Variants in IGF2 observed in about 807,000 individuals in gnomAD.
IGF2 encodes insulin-like growth factor 2.
A neutral mutation model predicts 12.0 loss-of-function variants in IGF2; 2 were observed. The observed-to-expected ratio is 0.17, with a 90% confidence interval of 0.07 to 0.52. IGF2 has a LOEUF of 0.52. Ranked by LOEUF, IGF2 falls within the 20% of genes least tolerant of loss-of-function variation. The pLI is 0.95. For synonymous variants in IGF2, 105 were observed against 110.1 expected (o/e 0.95, Z 0.29); for missense variants, 211 against 268.0 (o/e 0.79, Z 1.48).
upstream of IGF2, chr11:2,140,746 C>T: frequency 2.9e-6 from 1 of 344,618 alleles, no homozygotes. Context: ...CGCCGGCCTC[C>T]CCGGCGGCAG....
At chr11:2,140,879 G>A (rs770745426), upstream of IGF2, 1 of 369,126 alleles carries the variant, frequency 2.7e-6, no homozygotes, top group Non-Finnish European at 5.2e-6. Context: ...GGCTGCGTCC[G>A]CGGGCGCACC....
Position 2,132,527 on chromosome 11 carries a change from A to G in IGF2, c.*460T>C. 1 of 207,982 alleles carries G rather than the reference A, an allele frequency of 4.8e-6. No individual in the cohort carries two copies. The allele number at this position is 207,982 out of a possible 1,614,324, so 12.9% of individuals were successfully genotyped here. A position where few individuals can be genotyped will look rare whatever the true frequency, so the allele number is the denominator to read the frequency against. On this transcript the variant is annotated 3_prime_UTR_variant, in exon 4 of 4. Transcript: ENST00000416167. ...TCCTTTATTTTGCCAATTGTTTCTC[A>G]GCCAATTCGTTTTTAATACTTTTTT...
At chr11:2,148,150 C>G in the IGF2 span, 1 of 240,776 alleles carries the variant, frequency 4.2e-6, no homozygotes. This position sits in a 1 kb window ranked among gnomAD's most constrained non-coding sequence, Gnocchi z 4.3. Flanking sequence ...ACGAATGGCC[C>G]GCCTTGAGGG....
rs750776219 is a variant in IGF2, at chr11:2,133,459, C to T, written c.306+58G>A. The T allele has an allele frequency of 4.8e-5, 73 of 1,523,948 alleles. No homozygotes were observed. Among genetic ancestry groups the T allele is most frequent in the Non-Finnish European group, 5.6e-5 (63 of 1,134,350 alleles). The allele number at this position is 1,523,948 out of a possible 1,614,324, so 94.4% of individuals were successfully genotyped here. On this transcript the variant is annotated intron_variant, in intron 3 of 3. Transcript: ENST00000416167. The surrounding 1 kb of genome is among the most constrained non-coding windows in gnomAD (Gnocchi z 8.9). ...CCCAGAGGCCACAGGAAACGCTGGG[C>T]GCCCGAAGCCCTATTTCTCTGTCTC...
intron 1 of IGF2, 93 bp downstream of exon 1, chr11:2,138,136 G>T: frequency 1.2e-6 from 1 of 819,554 alleles, no homozygotes; most frequent in Non-Finnish European, 1.5e-6. Flanking sequence ...CGCAGGCCCC[G>T]GGCCGGGAGC....
intron 1 of IGF2, among the ~76,000 whole-genome samples, chr11:2,136,407 G>A (rs932063405): frequency 5.3e-5 from 8 of 152,250 alleles, no homozygotes; most frequent in African/African-American, 1.7e-4. Flanking sequence ...TGGGAAGTCC[G>A]ACACCAGGTT....
At chr11:2,139,922 C>G (rs532493902), upstream of IGF2, among the ~76,000 whole-genome samples, 2 of 152,190 alleles carry the variant, frequency 1.3e-5, no homozygotes, top group South Asian at 2.1e-4. Context: ...GCCACCTGCC[C>G]CAGCAGGAGG....
Position 2,138,640 on chromosome 11 carries a change from G to A in IGF2, c.-418C>T, listed in dbSNP as rs1412359447. ...GCGCACAGCGGGAGAGAACAGCACG[G>A]AGAGAAACAGAAAGCGTGTAATTAA... On this transcript the variant is annotated 5_prime_UTR_variant, in exon 1 of 4. Coordinates refer to ENST00000416167, the MANE Select transcript of IGF2 (RefSeq NM_000612.6). The A allele has an allele frequency of 7.2e-6, 7 of 978,830 alleles. No individual in the cohort carries two copies. In the African/African-American group the frequency reaches 1.3e-4, roughly 18 times the overall value. The allele number at this position is 978,830 out of a possible 1,614,324, so 60.6% of individuals were successfully genotyped here. A position where few individuals can be genotyped will look rare whatever the true frequency, so the allele number is the denominator to read the frequency against.
intron 1 of IGF2, among the ~76,000 whole-genome samples, chr11:2,135,936 C>A (rs1463562292): frequency 2.6e-5 from 4 of 152,304 alleles, no homozygotes; most frequent in Middle Eastern, 3.4e-3. Context: ...CACATCGCCA[C>A]TTCTCAGGCC....
upstream of IGF2, among the ~76,000 whole-genome samples, chr11:2,142,010 A>G (rs1859628368): frequency 6.6e-6 from 1 of 152,214 alleles, no homozygotes; most frequent in African/African-American, 2.4e-5. The surrounding 1 kb of genome is among the most constrained non-coding windows in gnomAD (Gnocchi z 5.7). Context: ...AAATTACCCA[A>G]TGGAGATTTG....
upstream of IGF2, among the ~76,000 whole-genome samples, chr11:2,139,979 C>G (rs1431030651): frequency 6.6e-6 from 1 of 152,086 alleles, no homozygotes; most frequent in African/African-American, 2.4e-5. Context: ...CCGAGCGCCC[C>G]CCGGTGCCGC....
chr11:2,131,968 ATGTGTGTGCG>A lies in IGF2; in HGVS notation c.*1009_*1018del, dbSNP rs1177650751. On this transcript the variant is annotated 3_prime_UTR_variant, in exon 4 of 4. Transcript: ENST00000416167. ...CCGTGCGTTTGTGTGCTGTGTGTGC[ATGTGTGTGCG>A]TGTGTGTGCTGTGCGTTTGTGTGTG... 2 of 97,022 alleles carry A rather than the reference ATGTGTGTGCG, an allele frequency of 2.1e-5. No individual in the cohort carries two copies. Among genetic ancestry groups the A allele is most frequent in the African/African-American group, 5.4e-5 (1 of 18,500 alleles). The allele number at this position is 97,022 out of a possible 1,614,324, so 6.0% of individuals were successfully genotyped here.
At chr11:2,147,512 C>T in the IGF2 span, 24 of 778,730 alleles carry the variant, frequency 3.1e-5, no homozygotes, top group East Asian at 3.0e-4. This position sits in a 1 kb window ranked among gnomAD's most constrained non-coding sequence, Gnocchi z 7.2. Flanking sequence ...CGAAGACTCC[C>T]GCGCAGAGCC....
rs1020750090 is a variant in IGF2, at chr11:2,129,687, G to A, written c.*3300C>T. On this transcript the variant is annotated 3_prime_UTR_variant, in exon 4 of 4. Coordinates refer to ENST00000416167, the MANE Select transcript of IGF2 (RefSeq NM_000612.6). The surrounding 1 kb of genome is among the most constrained non-coding windows in gnomAD (Gnocchi z 8.1). ...GGGCGCTTGCCGAGGGACCCTCTGC[G>A]ACTGAGGCGGACTGGCATGGACGAC... 4 of 231,536 alleles carry A rather than the reference G, an allele frequency of 1.7e-5. No individual in the cohort carries two copies. Among genetic ancestry groups the A allele is most frequent in the East Asian group, 6.1e-5 (1 of 16,442 alleles). 14.3% of individuals were successfully genotyped at this position (231,536 alleles called of 1,614,324 possible). A position where few individuals can be genotyped will look rare whatever the true frequency, so the allele number is the denominator to read the frequency against.
rs1858577596 is a variant in IGF2 at position 2,131,687 on chromosome 11, GTGTT to G, written c.*1296_*1299del. Reference sequence around the variant, plus strand: ...CGTGTGCTGTGTGCATGTGTGTGCTGTGTTTGTGTGTGTGCTGTGTGTGCTGTGT... The same window carrying G: ...CGTGTGCTGTGTGCATGTGTGTGCTGTGTGTGTGTGCTGTGTGTGCTGTGT... On this transcript the variant is annotated 3_prime_UTR_variant, in exon 4 of 4. Transcript: ENST00000416167. 2 of 207,110 alleles carry G rather than the reference GTGTT, an allele frequency of 9.7e-6. No individual in the cohort carries two copies. The highest frequency in any genetic ancestry group is 2.0e-4 in the South Asian group (1 of 5,002). 12.8% of individuals were successfully genotyped at this position (207,110 alleles called of 1,614,324 possible). A position where few individuals can be genotyped will look rare whatever the true frequency, so the allele number is the denominator to read the frequency against.
upstream of IGF2, among the ~76,000 whole-genome samples, chr11:2,145,736 G>A (rs1161644221): frequency 1.3e-5 from 2 of 152,134 alleles, no homozygotes; most frequent in Non-Finnish European, 2.9e-5. Context: ...GTGCACACAT[G>A]TTCCCCCTCC....
chr11:2,130,531 G>C lies in IGF2; in HGVS notation c.*2456C>G, dbSNP rs555759341. On this transcript the variant is annotated 3_prime_UTR_variant, in exon 4 of 4. Coordinates refer to ENST00000416167, the MANE Select transcript of IGF2 (RefSeq NM_000612.6). ...TTGTCACTGCCCCCCTGTTACATGGGGGGGGGGTTTAATTTGGTTTCTGAG... is the reference window on the plus strand; with the variant it reads ...TTGTCACTGCCCCCCTGTTACATGGCGGGGGGGTTTAATTTGGTTTCTGAG... The C allele has an allele frequency of 2.2e-3, 486 of 220,432 alleles. No individual in the cohort carries two copies. Among genetic ancestry groups the C allele is most frequent in the African/African-American group, 3.0e-3 (130 of 43,064 alleles). 13.7% of individuals were successfully genotyped at this position (220,432 alleles called of 1,614,324 possible).
intron 1 of IGF2, among the ~76,000 whole-genome samples, chr11:2,136,828 C>T (rs1859094765): frequency 6.6e-6 from 1 of 152,266 alleles, no homozygotes; most frequent in Non-Finnish European, 1.5e-5. Context: ...CCACTCTAGC[C>T]CTCGCCGCGC....
chr11:2,130,659 G>A lies in IGF2; in HGVS notation c.*2328C>T, dbSNP rs1004876572. The A allele has an allele frequency of 4.8e-6, 1 of 209,368 alleles. No individual in the cohort carries two copies. The allele number at this position is 209,368 out of a possible 1,614,324, so 13.0% of individuals were successfully genotyped here. A position where few individuals can be genotyped will look rare whatever the true frequency, so the allele number is the denominator to read the frequency against. ...GAATAGATCAATTGACATGAAATTT[G>A]GGGGTTCCTAATTTCTCTATGTAAT... is the stretch of plus-strand genomic sequence containing the variant. On this transcript the variant is annotated 3_prime_UTR_variant, in exon 4 of 4. Transcript: ENST00000416167.
Sources: gnomAD v4.1 joint callset for allele counts (sites outside exome capture counted in the v4.1 genomes callset) on GRCh38, gnomAD v4.1.1 for gene constraint, Gnocchi (gnomAD v3.1) non-coding constraint, MANE v1.5 for transcripts, NCBI Gene and HGNC (gene_info 2026-07-23, HGNC 2026-07-21) for gene names.